OSBP2: variants seen among roughly 807,000 people sequenced by gnomAD.
OSBP2 encodes the protein oxysterol-binding protein 2.
A neutral mutation model predicts 96.0 loss-of-function variants in OSBP2; 66 were observed. That is an observed-to-expected ratio of 0.69 (90% confidence interval 0.56 to 0.84). The LOEUF is 0.84. Ranked by LOEUF, OSBP2 falls within the 40% of genes least tolerant of loss-of-function variation. The probability of loss-of-function intolerance (pLI) is 0.00; values close to 1 mark genes in which losing one functional copy is unlikely to be tolerated. For synonymous variants in OSBP2, 525 were observed against 520.9 expected (o/e 1.01, Z -0.11); for missense variants, 1,038 against 1,222.7 (o/e 0.85, Z 2.25).
intron 2 of OSBP2, among the ~76,000 whole-genome samples, chr22:30,768,685 AAAAAAC>A (rs1231377119): frequency 6.6e-6 from 1 of 152,136 alleles, no homozygotes; most frequent in African/African-American, 2.4e-5. Context: ...ATCTCAAAAA[AAAAAAC>A]AAAAACAAAA....
chr22:30,793,267 G>A (rs185782316), intron 2 of OSBP2, among the ~76,000 whole-genome samples: 1 of 152,044 alleles, frequency 6.6e-6, no homozygotes. Context: ...GCAGGTGCCT[G>A]TAATCCCAGC....
intron 2 of OSBP2, among the ~76,000 whole-genome samples, chr22:30,832,350 G>A (rs905590955): frequency 6.6e-5 from 10 of 151,312 alleles, no homozygotes; most frequent in South Asian, 2.1e-4. Context: ...GAGTGCAGTG[G>A]CATGATCATG....
At chr22:30,889,662 C>T (rs577513014) in intron 7 of OSBP2, 26 bp downstream of exon 7, 65 of 1,612,314 alleles carry the variant, frequency 4.0e-5, no homozygotes, top group Non-Finnish European at 4.9e-5. Context: ...AGGGCAGCCC[C>T]GACAGGTCCT....
At chr22:30,891,407 C>T (rs1294135886) in intron 8 of OSBP2, among the ~76,000 whole-genome samples, 1 of 152,206 alleles carries the variant, frequency 6.6e-6, no homozygotes, top group Non-Finnish European at 1.5e-5. Context: ...CCACCCCTTC[C>T]CCACAGAGAT....
rs2039696092 is a variant in OSBP2, at chr22:30,881,209, T to G, written c.1108-6217T>G. On this transcript the variant is annotated intron_variant, in intron 3 of 13. Transcript: ENST00000332585. The surrounding 1 kb of genome is among the most constrained non-coding windows in gnomAD (Gnocchi z 4.5). ...TTCACCAGAACCCTCTGTGCAGCAC[T>G]TGGGGGTAGGCAGAAGGGGCAGGGC... Among the ~76,000 whole-genome samples, 1 of 152,040 alleles carries G rather than the reference T, an allele frequency of 6.6e-6. No homozygotes were observed. Among genetic ancestry groups the G allele is most frequent in the Admixed American group, 6.5e-5 (1 of 15,276 alleles).
rs114579694 is a variant in OSBP2 at position 30,789,736 on chromosome 22, C to T, written c.853+48367C>T. ...GTTTGGGTGCAGACTTTCCAGAAGG[C>T]AGTACCAGTGACCAGAAGGTGGACA... On this transcript the variant is annotated intron_variant, in intron 2 of 13. Coordinates refer to ENST00000332585, the MANE Select transcript of OSBP2 (RefSeq NM_030758.4). Among the ~76,000 whole-genome samples, 945 of 152,222 alleles carry T rather than the reference C, an allele frequency of 6.2e-3. 11 individuals are homozygous for T. Among genetic ancestry groups the T allele is most frequent in the African/African-American group, 0.022 (905 of 41,538 alleles).
intron 1 of OSBP2, among the ~76,000 whole-genome samples, chr22:30,722,327 T>A (rs1260668390): frequency 6.6e-6 from 1 of 152,212 alleles, no homozygotes; most frequent in Non-Finnish European, 1.5e-5. Flanking sequence ...GTTGGCGTGA[T>A]GAAATCCTTG....
intron 3 of OSBP2, among the ~76,000 whole-genome samples, chr22:30,878,485 G>T (rs2039632298): frequency 6.6e-6 from 1 of 152,230 alleles, no homozygotes; most frequent in Non-Finnish European, 1.5e-5. Flanking sequence ...TAGAGAATGG[G>T]GGCCTTGCTG....
At chr22:30,779,124 C>G (rs2145804079) in intron 2 of OSBP2, among the ~76,000 whole-genome samples, 1 of 151,652 alleles carries the variant, frequency 6.6e-6, no homozygotes, top group East Asian at 2.0e-4. Flanking sequence ...CTTTTTTGCC[C>G]AGGCTGGAGT....
chr22:30,832,173 C>T (rs978747227), intron 2 of OSBP2, among the ~76,000 whole-genome samples: 2 of 152,136 alleles, frequency 1.3e-5, no homozygotes, highest in South Asian at 4.1e-4. Context: ...GCCCTTGCCC[C>T]CTTCTTACCA....
intron 2 of OSBP2, among the ~76,000 whole-genome samples, chr22:30,784,571 T>TTTAA (rs2090562202): frequency 6.6e-6 from 1 of 152,112 alleles, no homozygotes; most frequent in Admixed American, 6.5e-5. Flanking sequence ...CAAGTATGCT[T>TTTAA]TTAATTGTAT....
At chr22:30,844,485 C>A in intron 2 of OSBP2, 2 of 156,090 alleles carry the variant, frequency 1.3e-5, no homozygotes, top group South Asian at 1.8e-4. Flanking sequence ...CCTTTTAGGT[C>A]ATGGAGATGG....
chr22:30,753,437 T>A (rs2090102656), intron 2 of OSBP2, among the ~76,000 whole-genome samples: 1 of 152,116 alleles, frequency 6.6e-6, no homozygotes, highest in South Asian at 2.1e-4. Flanking sequence ...GACTGCAGCA[T>A]CCCTCAGCCT....
At chr22:30,754,233 CCT>C (rs948832000) in intron 2 of OSBP2, among the ~76,000 whole-genome samples, 39 of 152,268 alleles carry the variant, frequency 2.6e-4, no homozygotes, top group African/African-American at 8.7e-4. Context: ...CTGCACACTC[CCT>C]CTGTTTATAG....
intron 1 of OSBP2, among the ~76,000 whole-genome samples, chr22:30,713,577 C>T (rs1401088858): frequency 6.6e-6 from 1 of 151,996 alleles, no homozygotes; most frequent in Middle Eastern, 3.2e-3. Flanking sequence ...CCTCCCACCT[C>T]AGCCTCCCAA....
chr22:30,859,182 A>G (rs1417195355), intron 2 of OSBP2, among the ~76,000 whole-genome samples: 2 of 152,094 alleles, frequency 1.3e-5, no homozygotes, highest in Admixed American at 1.3e-4. Context: ...ATTTCCAAGG[A>G]GAAGCCGCGC....
intron 12 of OSBP2, among the ~76,000 whole-genome samples, chr22:30,899,226 T>A (rs188433635): frequency 0.022 from 3,273 of 149,712 alleles, 120 homozygotes; most frequent in African/African-American, 0.075. Flanking sequence ...AAAAAAAAAA[T>A]TTTTTTAATT....
At chr22:30,712,372 C>A (rs1351838829) in intron 1 of OSBP2, among the ~76,000 whole-genome samples, 1 of 152,154 alleles carries the variant, frequency 6.6e-6, no homozygotes, top group Non-Finnish European at 1.5e-5. Context: ...CCACCTCCTT[C>A]ATTTGCCCTG....
At chr22:30,853,344 TTC>T (rs2039012159) in intron 2 of OSBP2, among the ~76,000 whole-genome samples, 1 of 152,246 alleles carries the variant, frequency 6.6e-6, no homozygotes, top group African/African-American at 2.4e-5. Flanking sequence ...AACTGACTCT[TTC>T]ATCATAATGA....
Sources: allele counts gnomAD v4.1 joint callset (sites outside exome capture counted in the v4.1 genomes callset), GRCh38; gene constraint gnomAD v4.1.1; non-coding constraint Gnocchi (gnomAD v3.1); transcripts MANE v1.5; gene names NCBI Gene and HGNC (gene_info 2026-07-23, HGNC 2026-07-21).